TAF4B: variants seen among roughly 807,000 people sequenced by gnomAD.
TAF4B encodes the protein TATA-box binding protein associated factor 4b.
A neutral mutation model predicts 86.4 loss-of-function variants in TAF4B; 38 were observed. That is an observed-to-expected ratio of 0.44 (90% CI 0.34 to 0.58). TAF4B has a LOEUF of 0.58. TAF4B is among the 20% of genes least tolerant of loss of function. The probability of loss-of-function intolerance (pLI) is 0.02; values close to 1 mark genes in which losing one functional copy is unlikely to be tolerated. For missense variants in TAF4B, 988 were observed against 1,027.6 expected (o/e 0.96, Z 0.53); for synonymous variants, 388 against 391.2 (o/e 0.99, Z 0.10).
At chr18:26,249,789 C>A (rs1245166459) in intron 1 of TAF4B, among the ~76,000 whole-genome samples, 1 of 152,088 alleles carries the variant, frequency 6.6e-6, no homozygotes, top group Non-Finnish European at 1.5e-5. Flanking sequence ...GTGGCATGAC[C>A]TCAGTTCATT....
At chr18:26,378,512 T>C (rs1023483358) in intron 14 of TAF4B, among the ~76,000 whole-genome samples, 2 of 152,126 alleles carry the variant, frequency 1.3e-5, no homozygotes, top group Non-Finnish European at 2.9e-5. Flanking sequence ...CCATGTTCCT[T>C]TGGGGAAGTC....
chr18:26,288,955 T>A (rs1251429634), intron 7 of TAF4B, among the ~76,000 whole-genome samples: 1 of 152,224 alleles, frequency 6.6e-6, no homozygotes, highest in Admixed American at 6.5e-5. Flanking sequence ...TTGTTTGTCC[T>A]TTGTTTCAAG....
In TAF4B at chr18:26,286,050, A is replaced by T. The variant is rs752304357; in HGVS notation, c.1141A>T (p.Ile381Phe). ...VSSSQSEKSI[I>F]VSGATAPRTV... The stretch of plus-strand genomic sequence containing the variant: ...CTCAAGCCAGTCTGAAAAGTCAATT[A>T]TTGTTTCTGGAGCAACAGCACCCAG... The change falls in exon 7 of 15, where the codon ATT becomes TTT. Residue 381 changes from isoleucine (I) to phenylalanine (F), a missense_variant. Coordinates refer to ENST00000269142, the MANE Select transcript of TAF4B (RefSeq NM_005640.3). 1.2e-6 allele frequency: 2 copies of T among 1,614,224 alleles called. No individual in the cohort carries two copies. The highest frequency in any genetic ancestry group is 2.2e-5 in the East Asian group (1 of 44,884).
intron 5 of TAF4B, among the ~76,000 whole-genome samples, chr18:26,278,973 C>A (rs1301752963): frequency 6.6e-6 from 1 of 151,340 alleles, no homozygotes; most frequent in Non-Finnish European, 1.5e-5. Flanking sequence ...AGAATTGGAA[C>A]AAGACAAGGT....
intron 14 of TAF4B, among the ~76,000 whole-genome samples, chr18:26,358,921 C>T (rs1213848457): frequency 6.6e-6 from 1 of 152,094 alleles, no homozygotes; most frequent in Non-Finnish European, 1.5e-5. Context: ...TAAATGAACG[C>T]CACTCACCTT....
intron 1 of TAF4B, among the ~76,000 whole-genome samples, chr18:26,240,266 G>C (rs2055816619): frequency 6.6e-6 from 1 of 152,194 alleles, no homozygotes; most frequent in African/African-American, 2.4e-5. Flanking sequence ...TCATTGAGCA[G>C]TGGTTTGTAG....
chr18:26,292,994 TGTA>T (rs2056612679), intron 8 of TAF4B, among the ~76,000 whole-genome samples: 2 of 152,234 alleles, frequency 1.3e-5, no homozygotes, highest in Non-Finnish European at 2.9e-5. Flanking sequence ...CTTCTTAAAA[TGTA>T]GTTCTTTCTC....
intron 7 of TAF4B, among the ~76,000 whole-genome samples, chr18:26,288,762 A>C (rs551464821): frequency 6.6e-6 from 1 of 152,322 alleles, no homozygotes; most frequent in South Asian, 2.1e-4. Context: ...AATGTCCTGA[A>C]GCAGGAAGCT....
At chr18:26,252,677 T>C (rs987761301) in intron 1 of TAF4B, among the ~76,000 whole-genome samples, 4 of 152,104 alleles carry the variant, frequency 2.6e-5, no homozygotes, top group South Asian at 2.1e-4. Context: ...TTGACTGTTA[T>C]AGTACACAGT....
intron 1 of TAF4B, among the ~76,000 whole-genome samples, chr18:26,249,761 C>T (rs866338638): frequency 7.2e-5 from 11 of 151,988 alleles, no homozygotes; most frequent in East Asian, 1.9e-4. Flanking sequence ...TTCTTTCTTT[C>T]GCCTAGGCTG....
Position 26,321,155 on chromosome 18 carries a change from A to G in TAF4B, c.2088A>G (p.Leu696=). 2 of 1,613,926 alleles carry G rather than the reference A, an allele frequency of 1.2e-6. No individual in the cohort carries two copies. Among genetic ancestry groups the G allele is most frequent in the Non-Finnish European group, 1.7e-6 (2 of 1,179,856 alleles). ...QATQERLRGL[L]EKLTAIAQHR... is the part of the protein sequence containing the mutation. ...CACAGGAACGACTACGAGGCCTTCT[A>G]GAAAAACTGACTGCAATTGCTCAGC... The change falls in exon 11 of 15, where the codon CTA becomes CTG. Residue 696 remains leucine (L), a synonymous_variant. Transcript: ENST00000269142.
chr18:26,297,470 A>C (rs532094469), intron 9 of TAF4B, among the ~76,000 whole-genome samples: 1 of 152,296 alleles, frequency 6.6e-6, no homozygotes, highest in Admixed American at 6.5e-5. Context: ...CTCGTAGAGA[A>C]TTACATTTCT....
chr18:26,305,265 A>G (rs2056782316), intron 9 of TAF4B, among the ~76,000 whole-genome samples: 1 of 152,124 alleles, frequency 6.6e-6, no homozygotes, highest in Non-Finnish European at 1.5e-5. Flanking sequence ...CAGAGATTAA[A>G]TTTTCCTCAA....
intron 14 of TAF4B, among the ~76,000 whole-genome samples, chr18:26,388,724 C>T (rs775727322): frequency 5.3e-5 from 8 of 152,058 alleles, no homozygotes; most frequent in South Asian, 2.1e-4. Context: ...GAGGTTAGAG[C>T]GAAGGAAGCC....
At chr18:26,355,908 A>T in intron 13 of TAF4B, among the ~76,000 whole-genome samples, 1 of 152,212 alleles carries the variant, frequency 6.6e-6, no homozygotes, top group East Asian at 1.9e-4. Flanking sequence ...TTCTGAAAAC[A>T]CTTTTCTAAC....
chr18:26,233,600 C>A (rs917816145), intron 1 of TAF4B, among the ~76,000 whole-genome samples: 5 of 152,214 alleles, frequency 3.3e-5, no homozygotes, highest in African/African-American at 1.2e-4. Context: ...TAACAGGTTG[C>A]GCTGCATGCA....
chr18:26,229,494 C>CTTTTTTTTTTTTTTTTTTTTT (rs34261854), intron 1 of TAF4B, among the ~76,000 whole-genome samples: 4 of 129,372 alleles, frequency 3.1e-5, no homozygotes, highest in Non-Finnish European at 6.5e-5. Flanking sequence ...TTCTTTCTTT[C>CTTTTTTTTTTTTTTTTTTTTT]TTTTTTTTTT....
At chr18:26,361,439 ATATG>A (rs1299974716) in intron 14 of TAF4B, among the ~76,000 whole-genome samples, 8 of 151,386 alleles carry the variant, frequency 5.3e-5, no homozygotes, top group Non-Finnish European at 1.0e-4. Context: ...TCTTAATATA[ATATG>A]TTTGAAATTA....
intron 14 of TAF4B, among the ~76,000 whole-genome samples, chr18:26,380,156 C>A (rs762305387): frequency 6.6e-6 from 1 of 151,928 alleles, no homozygotes; most frequent in African/African-American, 2.4e-5. Flanking sequence ...CTTTTCTTGC[C>A]TTAGAGCACT....
Sources: allele counts gnomAD v4.1 joint callset (sites outside exome capture counted in the v4.1 genomes callset), GRCh38; gene constraint gnomAD v4.1.1; transcripts MANE v1.5; gene names NCBI Gene and HGNC (gene_info 2026-07-23, HGNC 2026-07-21).